The following GRAMD1B variants were observed in gnomAD, a reference collection of about 807,000 sequenced individuals.
The protein encoded by GRAMD1B is GRAM domain containing 1B.
A neutral mutation model predicts 99.7 loss-of-function variants in GRAMD1B; 37 were observed. The ratio of observed to expected loss-of-function variants is 0.37; its 90% CI spans 0.29 to 0.49. The LOEUF is 0.49. GRAMD1B is among the 20% of genes least tolerant of loss of function. The probability of loss-of-function intolerance (pLI) is 0.98; values close to 1 mark genes in which losing one functional copy is unlikely to be tolerated. For synonymous variants in GRAMD1B, 427 were observed against 387.6 expected, an observed-to-expected ratio of 1.10 and a Z score of -1.19; for missense variants, 888 against 1,009.2, an observed-to-expected ratio of 0.88 and a Z score of 1.63.
At chr11:123,480,783 A>G (rs1951553641) in intron 1 of GRAMD1B, 33 bp from the exon 2 acceptor site, 3 of 398,984 alleles carry the variant, frequency 7.5e-6, no homozygotes, top group East Asian at 7.1e-5. Flanking sequence ...AAGAAGCTGA[A>G]GTTAACGGTT....
intron 2 of GRAMD1B, among the ~76,000 whole-genome samples, chr11:123,526,722 A>T (rs1191245657): frequency 6.6e-6 from 1 of 152,026 alleles, no homozygotes; most frequent in Non-Finnish European, 1.5e-5. Flanking sequence ...ACCGCTGCCT[A>T]CCCCAACACA....
At chr11:123,520,854 A>G (rs1476413947) in intron 2 of GRAMD1B, among the ~76,000 whole-genome samples, 2 of 151,942 alleles carry the variant, frequency 1.3e-5, no homozygotes, top group African/African-American at 4.8e-5. Flanking sequence ...TGTGTAAAGT[A>G]TAAAGAACAA....
intron 1 of GRAMD1B, among the ~76,000 whole-genome samples, chr11:123,384,781 C>G (rs987494344): frequency 5.9e-5 from 9 of 152,198 alleles, no homozygotes; most frequent in African/African-American, 2.2e-4. Flanking sequence ...TCTTTGGACT[C>G]TAGATCATGG....
chr11:123,595,527 C>T (rs1009335300), intron 6 of GRAMD1B, among the ~76,000 whole-genome samples: 2 of 152,142 alleles, frequency 1.3e-5, no homozygotes, highest in Non-Finnish European at 2.9e-5. Flanking sequence ...CTGCCGACCT[C>T]AGGTGATCCG....
chr11:123,576,429 C>G (rs1284287570), intron 2 of GRAMD1B, among the ~76,000 whole-genome samples: 1 of 152,226 alleles, frequency 6.6e-6, no homozygotes, highest in Non-Finnish European at 1.5e-5. Context: ...CATCTCTTTC[C>G]TTTCTCCACT....
chr11:123,550,916 T>A (rs1382067943), intron 2 of GRAMD1B, among the ~76,000 whole-genome samples: 1 of 152,282 alleles, frequency 6.6e-6, no homozygotes, highest in East Asian at 1.9e-4. Context: ...TAGCAATGTG[T>A]CTTGTCTCCT....
At chr11:123,540,643 A>C (rs1944418443) in intron 2 of GRAMD1B, among the ~76,000 whole-genome samples, 1 of 152,186 alleles carries the variant, frequency 6.6e-6, no homozygotes, top group African/African-American at 2.4e-5. Context: ...ATTGTATAAA[A>C]ATTAGAAAAT....
chr11:123,361,692 G>A (rs1399337337), intron 1 of GRAMD1B, among the ~76,000 whole-genome samples: 3 of 152,148 alleles, frequency 2.0e-5, no homozygotes, highest in Admixed American at 6.5e-5. Context: ...TATTTTAGCT[G>A]TAAGAGTTCC....
At position 123,576,463 on chromosome 11, in the gene GRAMD1B, A is replaced by G. The variant is rs183564377; in HGVS notation, c.453-904A>G. On this transcript the variant is annotated intron_variant, in intron 2 of 19. Coordinates refer to ENST00000635736, the MANE Select transcript of GRAMD1B (RefSeq NM_001387025.1). ...CTCTCGGAAGCAAAGCAAACATTCA[A>G]CTGCATTCAGTTTCTCTCTCCCTTC... is the stretch of plus-strand genomic sequence containing the variant. 1.3e-3 allele frequency among the ~76,000 whole-genome samples: 194 copies of G among 152,260 alleles called. 1 individual carries two copies. The highest frequency in any genetic ancestry group is 4.6e-3 in the African/African-American group (193 of 41,542).
At chr11:123,539,372 G>A (rs1396645250) in intron 2 of GRAMD1B, among the ~76,000 whole-genome samples, 4 of 152,054 alleles carry the variant, frequency 2.6e-5, no homozygotes, top group Admixed American at 6.6e-5. Flanking sequence ...GAGGCTAAGG[G>A]TAGAGAATTG....
intron 1 of GRAMD1B, among the ~76,000 whole-genome samples, chr11:123,401,146 G>A (rs1409786025): frequency 1.3e-5 from 2 of 152,174 alleles, no homozygotes; most frequent in East Asian, 1.9e-4. Flanking sequence ...AATGAGGTTT[G>A]GTAACTTGCC....
chr11:123,469,473 A>G (rs997683257), intron 1 of GRAMD1B, among the ~76,000 whole-genome samples: 2 of 152,112 alleles, frequency 1.3e-5, no homozygotes, highest in Non-Finnish European at 2.9e-5. Flanking sequence ...TCACTAAAGA[A>G]GTAAGGTCTG....
At chr11:123,480,325 G>T (rs1031901654) in intron 1 of GRAMD1B, among the ~76,000 whole-genome samples, 7 of 152,064 alleles carry the variant, frequency 4.6e-5, no homozygotes. Flanking sequence ...TGGAGAAGCA[G>T]ACTAGGTGAC....
chr11:123,470,937 A>T (rs913442716), intron 1 of GRAMD1B, among the ~76,000 whole-genome samples: 24 of 152,222 alleles, frequency 1.6e-4, no homozygotes, highest in African/African-American at 5.8e-4. Context: ...CAATGAAGCC[A>T]CGAGCCACAT....
At chr11:123,497,515 C>T (rs1175515744) in intron 2 of GRAMD1B, among the ~76,000 whole-genome samples, 2 of 152,166 alleles carry the variant, frequency 1.3e-5, no homozygotes, top group Admixed American at 6.5e-5. Context: ...GCAGCAAGTT[C>T]CCCTAGGCCC....
At chr11:123,603,384 C>G (rs1565447641) in intron 8 of GRAMD1B, 42 bp from the exon 9 acceptor site, 1 of 1,234,102 alleles carries the variant, frequency 8.1e-7, no homozygotes, top group Non-Finnish European at 1.2e-6. Context: ...AGTCGGGGGA[C>G]CTGAGGGAGC....
chr11:123,455,666 G>A (rs970926953), intron 1 of GRAMD1B, among the ~76,000 whole-genome samples: 25 of 151,970 alleles, frequency 1.6e-4, no homozygotes, highest in Admixed American at 3.9e-4. Flanking sequence ...GCTTTTTTGA[G>A]GCTACATTCT....
intron 1 of GRAMD1B, among the ~76,000 whole-genome samples, chr11:123,418,605 T>A (rs1271181005): frequency 6.6e-6 from 1 of 152,192 alleles, no homozygotes; most frequent in Non-Finnish European, 1.5e-5. Context: ...TCCTGAGACC[T>A]CCTCTGTGGT....
chr11:123,552,236 C>T (rs1354175931), intron 2 of GRAMD1B, among the ~76,000 whole-genome samples: 1 of 151,250 alleles, frequency 6.6e-6, no homozygotes, highest in African/African-American at 2.4e-5. Context: ...CAGAATATCA[C>T]CAAATTTACC....
Sources: gnomAD v4.1 joint callset for allele counts (sites outside exome capture counted in the v4.1 genomes callset) on GRCh38, gnomAD v4.1.1 for gene constraint, MANE v1.5 for transcripts, NCBI Gene and HGNC (gene_info 2026-07-23, HGNC 2026-07-21) for gene names.